The following LPO variants were observed in gnomAD, a reference collection of about 807,000 sequenced individuals.
The protein encoded by LPO is salivary peroxidase.
In LPO, 70 loss-of-function variants were observed where a neutral mutation model predicts 68.4. That is an observed-to-expected ratio of 1.02 (90% CI 0.84 to 1.25). LPO has a LOEUF of 1.25. Among genes scored for constraint, LPO ranks in the 50% most tolerant of loss-of-function variants. The pLI is 0.00. For synonymous variants in LPO, 360 were observed against 357.6 expected (o/e 1.01, Z -0.08); for missense variants, 873 against 908.4 (o/e 0.96, Z 0.50).
In LPO at chr17:58,252,298, T is replaced by A; in HGVS notation, c.897T>A (p.Ala299=). ...CCCTGGCCCGAGAGCAGATCAACGC[T>A]CTGACCTCCTTCCTGGATGCCAGCT... is the stretch of plus-strand genomic sequence containing the variant. The part of the protein sequence containing the change: ...YKSLAREQIN[A]LTSFLDASFV... The change falls in exon 8 of 13, where the codon GCT becomes GCA. Residue 299 remains alanine (A), a synonymous_variant. Transcript: ENST00000262290. 6.2e-7 allele frequency: 1 copy of A among 1,614,134 alleles called. No individual in the cohort carries two copies. The highest frequency in any genetic ancestry group is 8.5e-7 in the Non-Finnish European group (1 of 1,180,024).
rs1384483390 is a variant in LPO at position 58,266,297 on chromosome 17, C to A, written c.1664C>A (p.Thr555Lys). 6.2e-7 allele frequency: 1 copy of A among 1,614,182 alleles called. No individual in the cohort carries two copies. The highest frequency in any genetic ancestry group is 8.5e-7 in the Non-Finnish European group (1 of 1,180,046). ...GGCTTTGACCTGGCTGCCATCAACA[C>A]ACAGCGTTGCCGGGACCATGGGCAA... is the stretch of plus-strand genomic sequence containing the variant. ...IHGFDLAAIN[T>K]QRCRDHGQPG... The change falls in exon 11 of 13, where the codon ACA becomes AAA. Residue 555 changes from threonine (T) to lysine (K), a missense_variant. By Grantham distance (78) the Thr-to-Lys change is moderately conservative. Transcript: ENST00000262290.
intron 6 of LPO, 79 bp from the exon 7 acceptor site, chr17:58,250,336 T>C (rs958200872): frequency 9.1e-7 from 1 of 1,104,802 alleles, no homozygotes; most frequent in African/African-American, 1.5e-5. Flanking sequence ...TGGTAGGTAG[T>C]TAATAAGCTG....
At chr17:58,249,488 C>T (rs1030656307) in intron 5 of LPO, 78 bp from the exon 6 acceptor site, 5 of 1,535,738 alleles carry the variant, frequency 3.3e-6, no homozygotes, top group Non-Finnish European at 4.3e-6. Flanking sequence ...AGCAGAGGCT[C>T]CTTCCCCCAT....
At chr17:58,262,734 G>A (rs978572496) in intron 9 of LPO, among the ~76,000 whole-genome samples, 2 of 152,178 alleles carry the variant, frequency 1.3e-5, no homozygotes, top group Admixed American at 6.5e-5. Context: ...TAGGTAATGT[G>A]TCATTTCTCT....
At chr17:58,255,798 T>C (rs1970059279) in intron 9 of LPO, among the ~76,000 whole-genome samples, 2 of 152,202 alleles carry the variant, frequency 1.3e-5, no homozygotes, top group Admixed American at 6.5e-5. Flanking sequence ...CAAGATACAC[T>C]GGCAAAACCA....
Position 58,244,372 on chromosome 17 carries a change from A to C in LPO, c.164+291A>C, listed in dbSNP as rs1036536677. ...GGCCCAATGTTTCCTTGGGCCATGC[A>C]TTCCAGAGTCCCAGAAAGCCTCTCA... On this transcript the variant is annotated intron_variant, in intron 3 of 12. Transcript: ENST00000262290. 1.6e-4 allele frequency: 67 copies of C among 421,418 alleles called. 1 individual carries two copies. The East Asian group carries it at 2.7e-3, about 17-fold the overall frequency. 26.1% of individuals were successfully genotyped at this position (421,418 alleles called of 1,614,324 possible). A position where few individuals can be genotyped will look rare whatever the true frequency, so the allele number is the denominator to read the frequency against.
intron 1 of LPO, 63 bp downstream of exon 1, chr17:58,238,802 G>A (rs758088333): frequency 1.3e-5 from 2 of 152,232 alleles, no homozygotes; most frequent in East Asian, 1.9e-4. Flanking sequence ...ATTTCCTAAC[G>A]TCTTCTCAGA....
intron 1 of LPO, among the ~76,000 whole-genome samples, chr17:58,241,867 G>A (rs1185495176): frequency 1.3e-5 from 2 of 152,170 alleles, no homozygotes; most frequent in African/African-American, 2.4e-5. Flanking sequence ...TATTCCAAAG[G>A]GAGATGATTT....
intron 9 of LPO, among the ~76,000 whole-genome samples, chr17:58,260,405 A>C (rs1418621842): frequency 6.6e-6 from 1 of 152,078 alleles, no homozygotes; most frequent in Non-Finnish European, 1.5e-5. Context: ...GGAACTTCCT[A>C]GTGGCTCAAA....
At chr17:58,245,363 GCTCT>G (rs139409697) in intron 3 of LPO, among the ~76,000 whole-genome samples, 5 of 150,578 alleles carry the variant, frequency 3.3e-5, no homozygotes, top group South Asian at 2.1e-4. Flanking sequence ...GGGGCCGGAA[GCTCT>G]CTCTCTCTCT....
intron 1 of LPO, among the ~76,000 whole-genome samples, chr17:58,239,023 A>C (rs138546244): frequency 6.6e-6 from 1 of 152,096 alleles, no homozygotes; most frequent in East Asian, 1.9e-4. Flanking sequence ...GACCTCTCTT[A>C]TCCACCTTGT....
At chr17:58,243,140 T>A in intron 2 of LPO, 85 bp downstream of exon 2, 1 of 1,342,318 alleles carries the variant, frequency 7.4e-7, no homozygotes, top group Non-Finnish European at 1.1e-6. Flanking sequence ...AAATGTATTC[T>A]CTCACAGTAC....
In LPO at chr17:58,250,448, C is replaced by T; in HGVS notation, c.607C>T (p.Leu203=). The change falls in exon 7 of 13, where the codon CTG becomes TTG. Residue 203 remains leucine (L), a synonymous_variant. Transcript: ENST00000262290. Reference sequence around the variant, plus strand: ...GGTATCTAACAAGATTGTTGGCTATCTGAATGAGGAGGGTGTTCTGGACCA... The same window carrying T: ...GGTATCTAACAAGATTGTTGGCTATTTGAATGAGGAGGGTGTTCTGGACCA... The part of the protein sequence containing the change: ...REVSNKIVGY[L]NEEGVLDQNR... The T allele has an allele frequency of 6.2e-7, 1 of 1,614,192 alleles. No homozygotes were observed. Among genetic ancestry groups the T allele is most frequent in the Non-Finnish European group, 8.5e-7 (1 of 1,180,038 alleles).
intron 11 of LPO, among the ~76,000 whole-genome samples, 156 bp from the exon 12 acceptor site, chr17:58,267,193 A>C (rs1222437573): frequency 1.3e-5 from 2 of 152,230 alleles, no homozygotes; most frequent in Non-Finnish European, 2.9e-5. Flanking sequence ...TTAAGATTGA[A>C]GTGCAGATAA....
At chr17:58,248,746 T>G (rs1486909741) in intron 4 of LPO, among the ~76,000 whole-genome samples, 1 of 152,190 alleles carries the variant, frequency 6.6e-6, no homozygotes, top group Non-Finnish European at 1.5e-5. Flanking sequence ...AAGAAAGATC[T>G]GTCAATTCAA....
intron 9 of LPO, among the ~76,000 whole-genome samples, chr17:58,255,546 C>G (rs375725662): frequency 1.3e-5 from 2 of 151,904 alleles, no homozygotes; most frequent in South Asian, 2.1e-4. Context: ...GCAGAGAGGC[C>G]GGGGGAAGCA....
At chr17:58,250,943 C>T in intron 7 of LPO, 1 of 339,616 alleles carries the variant, frequency 2.9e-6, no homozygotes, top group Admixed American at 4.2e-5. Flanking sequence ...AGGTTGTCTA[C>T]ATTCCCGACC....
chr17:58,265,798 T>C (rs1970252408), intron 10 of LPO, among the ~76,000 whole-genome samples: 1 of 151,916 alleles, frequency 6.6e-6, no homozygotes, highest in Non-Finnish European at 1.5e-5. Context: ...TTGTCCAGGC[T>C]GGTCCCAAAC....
intron 4 of LPO, 126 bp downstream of exon 4, chr17:58,247,764 C>A: frequency 9.5e-7 from 1 of 1,048,148 alleles, no homozygotes; most frequent in Non-Finnish European, 1.4e-6. Context: ...CCTGTCTCTC[C>A]CTTCTTAGAC....
Sources: allele counts gnomAD v4.1 joint callset (sites outside exome capture counted in the v4.1 genomes callset), GRCh38; gene constraint gnomAD v4.1.1; transcripts MANE v1.5; gene names NCBI Gene and HGNC (gene_info 2026-07-23, HGNC 2026-07-21).